MPPE1: variants seen among roughly 807,000 people sequenced by gnomAD.
The protein encoded by MPPE1 is metallo phosphoesterase.
MPPE1 carries 28 observed loss-of-function variants against 43.8 expected under a neutral mutation model. The ratio of observed to expected loss-of-function variants is 0.64; its 90% CI spans 0.47 to 0.88. The LOEUF (loss-of-function observed/expected upper bound fraction) is 0.88. MPPE1 is among the 40% of genes least tolerant of loss of function. The pLI is 0.00. For synonymous variants in MPPE1, 159 were observed against 188.5 expected (o/e 0.84, Z 1.28); for missense variants, 428 against 492.2 (o/e 0.87, Z 1.23).
chr18:11,890,143 T>C (rs149866977), intron 4 of MPPE1, among the ~76,000 whole-genome samples: 2,099 of 141,472 alleles, frequency 0.015, 20 homozygotes, highest in African/African-American at 0.019. Context: ...GGGGTTTCAC[T>C]GTGTTAGCCA....
intron 3 of MPPE1, among the ~76,000 whole-genome samples, chr18:11,896,211 C>A (rs1057147823): frequency 4.7e-5 from 7 of 149,032 alleles, no homozygotes; most frequent in African/African-American, 1.7e-4. Flanking sequence ...AAGCGATTCT[C>A]CTGCCTCTGC....
At chr18:11,898,855 G>C (rs1264030364) in intron 2 of MPPE1, among the ~76,000 whole-genome samples, 1 of 151,324 alleles carries the variant, frequency 6.6e-6, no homozygotes, top group African/African-American at 2.4e-5. Context: ...GAGATTCAGA[G>C]AAACTGATTT....
chr18:11,885,656 AAAAT>A lies in MPPE1; in HGVS notation c.1008+16_1008+19del. ...AAATACTTATGAAAGCTTTCAGACA[AAAAT>A]AAACTTTCACGTTACCATGATGAAA... On this transcript the variant is annotated intron_variant, in intron 10 of 10. Coordinates refer to ENST00000588072, the MANE Select transcript of MPPE1 (RefSeq NM_023075.6). 6.2e-7 allele frequency: 1 copy of A among 1,602,272 alleles called. No individual in the cohort carries two copies. Among genetic ancestry groups the A allele is most frequent in the South Asian group, 1.1e-5 (1 of 90,690 alleles).
chr18:11,891,718 A>G (rs2038018378), intron 4 of MPPE1, among the ~76,000 whole-genome samples: 1 of 152,196 alleles, frequency 6.6e-6, no homozygotes, highest in Non-Finnish European at 1.5e-5. Context: ...TTGTGCAGCT[A>G]TTGAATTGTC....
At chr18:11,904,767 C>G (rs1027964296) in intron 2 of MPPE1, among the ~76,000 whole-genome samples, 2 of 151,774 alleles carry the variant, frequency 1.3e-5, no homozygotes, top group African/African-American at 4.8e-5. Flanking sequence ...GAAACCCCAT[C>G]TCTACTAAAT....
intron 2 of MPPE1, among the ~76,000 whole-genome samples, chr18:11,899,864 CCT>C (rs2038959436): frequency 6.6e-6 from 1 of 152,156 alleles, no homozygotes; most frequent in Non-Finnish European, 1.5e-5. Context: ...TCTAAAATCA[CCT>C]CTGTGAAATG....
chr18:11,894,191 G>A (rs1389554219), intron 3 of MPPE1, among the ~76,000 whole-genome samples: 2 of 152,044 alleles, frequency 1.3e-5, no homozygotes, highest in African/African-American at 4.8e-5. Context: ...CACTTTGGGA[G>A]GCCGAGGTGG....
Position 11,884,946 on chromosome 18 carries a change from CAG to C in MPPE1, c.1009-321_1009-320del, listed in dbSNP as rs1037296108. 4 of 1,288,528 alleles carry C rather than the reference CAG, an allele frequency of 3.1e-6. No individual in the cohort carries two copies. The East Asian group carries it at 1.9e-4, about 61-fold the overall frequency. 79.8% of individuals were successfully genotyped at this position (1,288,528 alleles called of 1,614,324 possible). A position where few individuals can be genotyped will look rare whatever the true frequency, so the allele number is the denominator to read the frequency against. On this transcript the variant is annotated intron_variant, in intron 10 of 10. Coordinates refer to ENST00000588072, the MANE Select transcript of MPPE1 (RefSeq NM_023075.6). ...TAGTGGGGGATCCATAACAGAGATTCAGAGAGGCACCGTGGAGTTCCAGGGTC... is the reference window on the plus strand; with the variant it reads ...TAGTGGGGGATCCATAACAGAGATTCAGAGGCACCGTGGAGTTCCAGGGTC...
intron 3 of MPPE1, among the ~76,000 whole-genome samples, chr18:11,894,958 T>G (rs2038432005): frequency 6.6e-6 from 1 of 152,198 alleles, no homozygotes. Context: ...AGACAGCATT[T>G]GTAAAGCATG....
At chr18:11,896,830 G>A (rs1022179573) in intron 3 of MPPE1, among the ~76,000 whole-genome samples, 154 bp downstream of exon 3, 2 of 152,122 alleles carry the variant, frequency 1.3e-5, no homozygotes, top group African/African-American at 4.8e-5. Flanking sequence ...CTCAGTAAAT[G>A]GTAAATTCAA....
Position 11,908,254 on chromosome 18 carries a change from G to C in MPPE1, c.-253C>G, listed in dbSNP as rs748611189. 6.6e-6 allele frequency: 1 copy of C among 152,284 alleles called. No homozygotes were observed. Among genetic ancestry groups the C allele is most frequent in the Non-Finnish European group, 1.5e-5 (1 of 68,058 alleles). 9.4% of individuals were successfully genotyped at this position (152,284 alleles called of 1,614,324 possible). A position where few individuals can be genotyped will look rare whatever the true frequency, so the allele number is the denominator to read the frequency against. On this transcript the variant is annotated 5_prime_UTR_variant, in exon 1 of 11. Coordinates refer to ENST00000588072, the MANE Select transcript of MPPE1 (RefSeq NM_023075.6). Reference sequence around the variant, plus strand: ...AACGCCAGGCAGATGGGGAGCACCGGGCGGTGCGGGAGCCCTTTCACCAGG... The same window carrying C: ...AACGCCAGGCAGATGGGGAGCACCGCGCGGTGCGGGAGCCCTTTCACCAGG...
intron 3 of MPPE1, among the ~76,000 whole-genome samples, chr18:11,894,338 G>A (rs1480984475): frequency 6.8e-6 from 1 of 147,408 alleles, no homozygotes; most frequent in Admixed American, 7.1e-5. Context: ...TGAGGCAGGA[G>A]AATTGCTTGA....
chr18:11,906,328 T>A lies in MPPE1; in HGVS notation c.-199-19A>T, dbSNP rs902034244. The stretch of plus-strand genomic sequence containing the variant: ...CATTTATCTGAAATGAAACCAAAAA[T>A]GTGTGTTTTGTCAGTGAGTGAGCTT... On this transcript the variant is annotated intron_variant, in intron 1 of 10. Transcript: ENST00000588072. The A allele has an allele frequency of 6.6e-6, 1 of 152,092 alleles. No individual in the cohort carries two copies. Among genetic ancestry groups the A allele is most frequent in the Admixed American group, 6.6e-5 (1 of 15,260 alleles). The allele number at this position is 152,092 out of a possible 1,614,324, so 9.4% of individuals were successfully genotyped here.
intron 4 of MPPE1, 134 bp downstream of exon 4, chr18:11,893,334 G>C (rs536517928): frequency 5.0e-6 from 3 of 600,646 alleles, no homozygotes; most frequent in African/African-American, 1.9e-5. Flanking sequence ...AATAGCCTAC[G>C]CATTTTTAAT....
chr18:11,891,708 T>C (rs1274450029), intron 4 of MPPE1, among the ~76,000 whole-genome samples: 1 of 152,232 alleles, frequency 6.6e-6, no homozygotes, highest in Non-Finnish European at 1.5e-5. Context: ...AAGACTTCTC[T>C]TGTGCAGCTA....
In MPPE1 at chr18:11,884,481, A is replaced by G. The variant is rs771866268; in HGVS notation, c.1155T>C (p.Ser385=). The change falls in exon 11 of 11, where the codon TCT becomes TCC. Residue 385 remains serine (S), a synonymous_variant. Coordinates refer to ENST00000588072, the MANE Select transcript of MPPE1 (RefSeq NM_023075.6). The part of the protein sequence containing the change: ...HFGLLASPFL[S]GLNLLGKRKT... ...TACGCTTTCCGAGCAAGTTCAAACCAGAAAGAAAAGGTGAGGCTAGAAGCC... is the reference window on the plus strand; with the variant it reads ...TACGCTTTCCGAGCAAGTTCAAACCGGAAAGAAAAGGTGAGGCTAGAAGCC... The G allele has an allele frequency of 6.2e-7, 1 of 1,614,142 alleles. No individual in the cohort carries two copies. Among genetic ancestry groups the G allele is most frequent in the South Asian group, 1.1e-5 (1 of 91,082 alleles).
At chr18:11,892,425 A>AT (rs1316062737) in intron 4 of MPPE1, among the ~76,000 whole-genome samples, 6 of 149,142 alleles carry the variant, frequency 4.0e-5, no homozygotes, top group Admixed American at 4.0e-4. Context: ...ATCCCAGCAC[A>AT]TTGGGAGGCC....
chr18:11,907,551 C>T, intron 1 of MPPE1, among the ~76,000 whole-genome samples: 1 of 152,020 alleles, frequency 6.6e-6, no homozygotes. Context: ...CAACCGCAGG[C>T]TGCGTCACAG....
intron 3 of MPPE1, among the ~76,000 whole-genome samples, chr18:11,896,095 C>CTTTTTTT (rs1178920790): frequency 0.011 from 858 of 80,378 alleles, no homozygotes; most frequent in Non-Finnish European, 0.014. Context: ...ATTCTTTATT[C>CTTTTTTT]TTTTTTTTTT....
Sources: allele counts gnomAD v4.1 joint callset (sites outside exome capture counted in the v4.1 genomes callset), GRCh38; gene constraint gnomAD v4.1.1; transcripts MANE v1.5; gene names NCBI Gene and HGNC (gene_info 2026-07-23, HGNC 2026-07-21).